HERC2: variants seen among roughly 807,000 people sequenced by gnomAD.
HERC2 encodes HECT and RLD domain containing E3 ubiquitin protein ligase 2, also known as E3 ubiquitin-protein ligase HERC2.
Under a neutral mutation model 537.7 loss-of-function variants are expected in HERC2, and 102 were observed. That is an observed-to-expected ratio of 0.19 (90% CI 0.16 to 0.22). HERC2 has a LOEUF of 0.22. Among genes scored for constraint, HERC2 ranks in the 10% least tolerant of loss-of-function variants. The pLI is 1.00. For synonymous variants in HERC2, 2,224 were observed against 2,466.2 expected (o/e 0.90, Z 2.91); for missense variants, 4,236 against 6,198.2 (o/e 0.68, Z 10.63).
intron 2 of HERC2, among the ~76,000 whole-genome samples, chr15:28,310,259 A>T (rs566459121): frequency 2.4e-4 from 37 of 152,310 alleles, no homozygotes; most frequent in African/African-American, 8.9e-4. Context: ...CAGCCTGAAC[A>T]ACATGGCAAA....
rs1246743389 is a variant in HERC2, at chr15:28,191,320, G to T, written c.8452-76C>A. ...TTTTAGCTACTACAATAGTATCGTT[G>T]AAGCTTGAATCTACATGAGATTTTT... On this transcript the variant is annotated intron_variant, in intron 53 of 92. Transcript: ENST00000261609. 3 of 890,720 alleles carry T rather than the reference G, an allele frequency of 3.4e-6. No individual in the cohort carries two copies. In the African/African-American group the frequency reaches 5.1e-5, roughly 15 times the overall value. 55.2% of individuals were successfully genotyped at this position (890,720 alleles called of 1,614,324 possible). A position where few individuals can be genotyped will look rare whatever the true frequency, so the allele number is the denominator to read the frequency against.
chr15:28,204,648 G>T (rs1363161788), intron 45 of HERC2, among the ~76,000 whole-genome samples: 4 of 151,360 alleles, frequency 2.6e-5, no homozygotes, highest in African/African-American at 9.7e-5. Flanking sequence ...AGACTTAAAG[G>T]ATGAAGAAAG....
rs565791891 is a variant in HERC2, at chr15:28,256,280, A to T, written c.2555T>A (p.Phe852Tyr). Residue 852 changes from phenylalanine (F) to tyrosine (Y), a missense_variant, in exon 18 of 93, where the codon TTC becomes TAC. Phe to Tyr is a conservative substitution (Grantham distance 22, BLOSUM62 3). Coordinates refer to ENST00000261609, the MANE Select transcript of HERC2 (RefSeq NM_004667.6). ...AAISHQVDPE[F>Y]LGLGLGSILL... The stretch of plus-strand genomic sequence containing the variant: ...GATGCTGCCCAGACCTAAACCAAGG[A>T]ATTCCGGGTCAACCTGGTGACTAAT... The T allele has an allele frequency of 2.5e-6, 4 of 1,597,098 alleles. No individual in the cohort carries two copies. In the African/African-American group the frequency reaches 5.3e-5, roughly 21 times the overall value.
chr15:28,233,701 G>C lies in HERC2; in HGVS notation c.4314C>G (p.Arg1438=), dbSNP rs943081235. The stretch of plus-strand genomic sequence containing the variant: ...GTTTTAAGAGGCAACATAACAACAA[G>C]CGACCGACCTCTTCCACGGGATGCT... ...PPEHPVEEVG[R]LLLCCLLKHE... is the part of the protein sequence containing the mutation. Residue 1438 remains arginine (R), a synonymous_variant, in exon 28 of 93, where the codon CGC becomes CGG. Coordinates refer to ENST00000261609, the MANE Select transcript of HERC2 (RefSeq NM_004667.6). 3 of 1,613,792 alleles carry C rather than the reference G, an allele frequency of 1.9e-6. No individual in the cohort carries two copies. The highest frequency in any genetic ancestry group is 1.7e-6 in the Non-Finnish European group (2 of 1,179,842).
chr15:28,320,910 TA>T (rs1470984914), intron 2 of HERC2, among the ~76,000 whole-genome samples: 1 of 152,032 alleles, frequency 6.6e-6, no homozygotes, highest in African/African-American at 2.4e-5. Context: ...TCAACTGAAC[TA>T]ACTCTTGTCT....
intron 52 of HERC2, 133 bp from the exon 53 acceptor site, chr15:28,192,284 G>C: frequency 1.4e-6 from 1 of 697,034 alleles, no homozygotes; most frequent in East Asian, 2.8e-5. Flanking sequence ...GTTAATAAAT[G>C]CCACAAATGG....
intron 16 of HERC2, among the ~76,000 whole-genome samples, chr15:28,259,503 AACAC>A (rs2075359397): frequency 6.6e-6 from 1 of 152,234 alleles, no homozygotes; most frequent in Non-Finnish European, 1.5e-5. Context: ...AAAAGGACGG[AACAC>A]ATGCCAATAT....
intron 38 of HERC2, among the ~76,000 whole-genome samples, chr15:28,216,311 A>AT (rs1453365257): frequency 1.1e-4 from 16 of 144,812 alleles, no homozygotes; most frequent in African/African-American, 4.4e-4. Context: ...CACCACTTAA[A>AT]TATTTTTTTT....
rs1233446217 is a variant in HERC2 at position 28,214,104 on chromosome 15, T to C, written c.6527A>G (p.His2176Arg). ...TTCGGAAGGCCTTCCCACAAAGCTGTGGGTGATGGAGCGGAGCTGGGAGTT... is the reference window on the plus strand; with the variant it reads ...TTCGGAAGGCCTTCCCACAAAGCTGCGGGTGATGGAGCGGAGCTGGGAGTT... ...YINSQLRSIT[H>R]SFVGRPSEGA... The change falls in exon 41 of 93, where the codon CAC (histidine) becomes CGC (arginine). Residue 2176 changes from histidine to arginine, a missense_variant. His to Arg is a conservative substitution (Grantham distance 29). Around this residue, in one of 27 missense-constraint regions of HERC2, gnomAD observed 365 missense variants for 468.8 expected, o/e 0.78. Transcript: ENST00000261609. The C allele has an allele frequency of 3.1e-6, 5 of 1,614,026 alleles. No individual in the cohort carries two copies. The Admixed American group carries it at 5.0e-5, about 16-fold the overall frequency.
At chr15:28,115,163 C>T (rs1888081932) in intron 89 of HERC2, 2 of 515,648 alleles carry the variant, frequency 3.9e-6, no homozygotes, top group Non-Finnish European at 3.4e-6. Context: ...CTCACGGCCC[C>T]CAGCTGCCCA....
At position 28,245,931 on chromosome 15, in the gene HERC2, G is replaced by A; in HGVS notation, c.3527C>T (p.Pro1176Leu). The A allele has an allele frequency of 6.2e-7, 1 of 1,614,010 alleles. No homozygotes were observed. Among genetic ancestry groups the A allele is most frequent in the Non-Finnish European group, 8.5e-7 (1 of 1,180,006 alleles). Residue 1176 changes from proline (P) to leucine (L), a missense_variant, in exon 23 of 93, where the codon CCA (proline) becomes CTA (leucine). Physicochemically the swap from Pro to Leu is moderately conservative, Grantham distance 98. This residue lies in a region of HERC2 where 754 missense variants were observed against 1,085.0 expected (regional missense o/e 0.69). Transcript: ENST00000261609. Reference sequence around the variant, plus strand: ...TTCATGATCATCCCGTTCCTTTCCTGGTGCCAGATGGTTGAACCGATCCAG... The same window carrying A: ...TTCATGATCATCCCGTTCCTTTCCTAGTGCCAGATGGTTGAACCGATCCAG... ...EHLDRFNHLA[P>L]GKERDDHEEL... is the part of the protein sequence containing the mutation.
chr15:28,119,027 G>C (rs1438329370), intron 86 of HERC2, among the ~76,000 whole-genome samples: 1 of 152,132 alleles, frequency 6.6e-6, no homozygotes, highest in Non-Finnish European at 1.5e-5. Flanking sequence ...CAGCACTTTG[G>C]GAGGCTGAGG....
chr15:28,319,282 G>A (rs1441861057), intron 2 of HERC2, among the ~76,000 whole-genome samples: 2 of 152,378 alleles, frequency 1.3e-5, no homozygotes, highest in East Asian at 1.9e-4. Context: ...CTCCTAGGAG[G>A]AATTTAGATG....
chr15:28,132,614 G>C, intron 80 of HERC2, 39 bp downstream of exon 80: 1 of 1,372,222 alleles, frequency 7.3e-7, no homozygotes, highest in Non-Finnish European at 9.5e-7. Flanking sequence ...GCAGTGAGGA[G>C]CATGCAGCCT....
At chr15:28,154,751 C>T (rs1332813773) in intron 69 of HERC2, among the ~76,000 whole-genome samples, 2 of 152,244 alleles carry the variant, frequency 1.3e-5, no homozygotes, top group South Asian at 2.1e-4. Context: ...GGCAAATGCT[C>T]AGCATTATTT....
Position 28,244,289 on chromosome 15 carries a change from G to T in HERC2, c.3577+1592C>A, listed in dbSNP as rs143881631. ...GTATACTACATATGGCAATAAAAATGAAAGAACTCAATAACGGGGTGAAGC... is the reference window on the plus strand; with the variant it reads ...GTATACTACATATGGCAATAAAAATTAAAGAACTCAATAACGGGGTGAAGC... On this transcript the variant is annotated intron_variant, in intron 23 of 92. Transcript: ENST00000261609. Among the ~76,000 whole-genome samples, 237 of 152,300 alleles carry T rather than the reference G, an allele frequency of 1.6e-3. 2 individuals are homozygous for T. Among genetic ancestry groups the T allele is most frequent in the Admixed American group, 5.1e-3 (78 of 15,300 alleles).
At chr15:28,203,512 G>C (rs1898091173) in intron 45 of HERC2, 1 of 152,052 alleles carries the variant, frequency 6.6e-6, no homozygotes, top group Non-Finnish European at 1.5e-5. Context: ...ACTAACCTTT[G>C]GCTGATAATA....
At chr15:28,257,326 G>C in intron 16 of HERC2, 65 bp from the exon 17 acceptor site, 1 of 1,385,764 alleles carries the variant, frequency 7.2e-7, no homozygotes, top group Non-Finnish European at 1.0e-6. Flanking sequence ...CTCCACAGGA[G>C]TCACCAGCGT....
At chr15:28,207,767 C>G (rs1898643197) in intron 44 of HERC2, among the ~76,000 whole-genome samples, 1 of 152,004 alleles carries the variant, frequency 6.6e-6, no homozygotes, top group South Asian at 2.1e-4. Context: ...AGACCAGGAG[C>G]TGGAAATCTT....
Sources: gnomAD v4.1 joint callset for allele counts (sites outside exome capture counted in the v4.1 genomes callset) on GRCh38, gnomAD v4.1.1 for gene constraint, gnomAD v4.1.1 regional missense constraint, MANE v1.5 for transcripts, NCBI Gene and HGNC (gene_info 2026-07-23, HGNC 2026-07-21) for gene names.